The following TRAK1 variants were observed in gnomAD, a reference collection of about 807,000 sequenced individuals.
TRAK1 encodes trafficking kinesin-binding protein 1.
A neutral mutation model predicts 92.1 loss-of-function variants in TRAK1; 33 were observed. The ratio of observed to expected loss-of-function variants is 0.36; its 90% CI spans 0.27 to 0.48. TRAK1 has a LOEUF of 0.48. Ranked by LOEUF, TRAK1 falls within the 20% of genes least tolerant of loss-of-function variation. TRAK1 has a pLI of 0.99. For synonymous variants in TRAK1, 521 were observed against 517.3 expected (o/e 1.01, Z -0.10); for missense variants, 1,123 against 1,257.9 (o/e 0.89, Z 1.62).
intron 1 of TRAK1, among the ~76,000 whole-genome samples, chr3:42,104,922 C>A (rs989291560): frequency 1.3e-5 from 2 of 150,812 alleles, no homozygotes; most frequent in Non-Finnish European, 3.0e-5. Context: ...GGAGGATGTT[C>A]AAACCCATTG....
At chr3:42,140,355 C>T (rs979395756) in intron 2 of TRAK1, among the ~76,000 whole-genome samples, 7 of 152,120 alleles carry the variant, frequency 4.6e-5, no homozygotes, top group South Asian at 2.1e-4. Context: ...TCAGGCTGGG[C>T]GCAGTGGCTC....
chr3:42,137,091 ATT>A (rs35624733), intron 2 of TRAK1, among the ~76,000 whole-genome samples: 2 of 151,576 alleles, frequency 1.3e-5, no homozygotes, highest in Non-Finnish European at 2.9e-5. Flanking sequence ...TTTTTTCTAG[ATT>A]TTTTTTTTCT....
At chr3:42,160,616 T>G in intron 2 of TRAK1, 2 of 918,976 alleles carry the variant, frequency 2.2e-6, no homozygotes, top group Non-Finnish European at 3.2e-6. Flanking sequence ...TGCAAATGGC[T>G]TAAAGGTGTC....
Position 42,194,910 on chromosome 3 carries a change from G to C in TRAK1, c.1082G>C (p.Arg361Pro). The C allele has an allele frequency of 6.2e-7, 1 of 1,613,844 alleles. No homozygotes were observed. The highest frequency in any genetic ancestry group is 2.2e-5 in the East Asian group (1 of 44,850). The change falls in exon 10 of 16, where the codon CGG (arginine) becomes CCG (proline). Residue 361 changes from arginine to proline, a missense_variant. Coordinates refer to ENST00000327628, the MANE Select transcript of TRAK1 (RefSeq NM_001042646.3). ...AAAACCATGCCCAATACCACGTCTC[G>C]GCGCTACCACTCACTGGGCCTGTTT... ...RNKTMPNTTS[R>P]RYHSLGLFPM...
At chr3:42,061,396 G>T (rs1235229064) in intron 1 of TRAK1, among the ~76,000 whole-genome samples, 1 of 148,266 alleles carries the variant, frequency 6.7e-6, no homozygotes, top group Admixed American at 6.9e-5. Context: ...CAGCCCTGTT[G>T]TCTGTCAGCC....
chr3:42,095,248 T>C (rs1705730015), intron 1 of TRAK1, among the ~76,000 whole-genome samples: 2 of 152,188 alleles, frequency 1.3e-5, no homozygotes, highest in Non-Finnish European at 2.9e-5. Flanking sequence ...AGCACAGCTC[T>C]GAGGTGGGTA....
chr3:42,137,467 T>G (rs1698094977), intron 2 of TRAK1, among the ~76,000 whole-genome samples: 1 of 152,196 alleles, frequency 6.6e-6, no homozygotes, highest in Admixed American at 6.5e-5. Flanking sequence ...TATTCATTAG[T>G]GAATGTTTGG....
At chr3:42,163,457 T>C (rs1475349694) in intron 2 of TRAK1, among the ~76,000 whole-genome samples, 3 of 151,812 alleles carry the variant, frequency 2.0e-5, no homozygotes, top group Non-Finnish European at 4.4e-5. Flanking sequence ...TAGTCCCAGC[T>C]ACTCGGGAGG....
chr3:42,023,174 A>AAC (rs57879960), intron 1 of TRAK1, among the ~76,000 whole-genome samples: 1 of 146,716 alleles, frequency 6.8e-6, no homozygotes, highest in African/African-American at 2.5e-5. Context: ...AAAAAAAAAA[A>AAC]CAACAAAAAG....
At chr3:42,055,426 G>A (rs566812368) in intron 1 of TRAK1, among the ~76,000 whole-genome samples, 2 of 152,266 alleles carry the variant, frequency 1.3e-5, no homozygotes, top group East Asian at 1.9e-4. Flanking sequence ...GAATTCAATG[G>A]TTTTCAGTGT....
At chr3:42,099,635 G>A (rs901088503) in intron 1 of TRAK1, among the ~76,000 whole-genome samples, 22 of 152,316 alleles carry the variant, frequency 1.4e-4, no homozygotes, top group Admixed American at 1.3e-3. Context: ...GGGCTCTGAC[G>A]TTCTTCTCTT....
rs181311030 is a variant in TRAK1, at chr3:42,124,883, G to T, written c.92-537G>T. ...TTTCAAGGGCAGGACCATGACTCTT[G>T]TGTTCACCACTGTGTCTCCTTTGCC... On this transcript the variant is annotated intron_variant, in intron 1 of 15. Transcript: ENST00000327628. Among the ~76,000 whole-genome samples, 381 of 152,304 alleles carry T rather than the reference G, an allele frequency of 2.5e-3. 5 individuals carry two copies. The highest frequency in any genetic ancestry group is 2.9e-3 in the South Asian group (14 of 4,824).
In TRAK1 at chr3:42,188,077, G is replaced by A. The variant is rs1266533533; in HGVS notation, c.513G>A (p.Lys171=). The A allele has an allele frequency of 3.7e-6, 6 of 1,614,096 alleles. No individual in the cohort carries two copies. In the South Asian group the frequency reaches 5.5e-5, roughly 15 times the overall value. Residue 171 remains lysine (K), a synonymous_variant, in exon 5 of 16, where the codon AAG becomes AAA. Transcript: ENST00000327628. Reference sequence around the variant, plus strand: ...AGCTCCGGCATGAGCTGTCCATGAAGGATGAGCTGCTTCAGTTCTACACCA... The same window carrying A: ...AGCTCCGGCATGAGCTGTCCATGAAAGATGAGCTGCTTCAGTTCTACACCA... ...VSQLRHELSM[K]DELLQFYTSA...
At chr3:42,216,835 G>C (rs139526182) in intron 14 of TRAK1, among the ~76,000 whole-genome samples, 19 of 152,260 alleles carry the variant, frequency 1.2e-4, no homozygotes, top group African/African-American at 4.6e-4. Context: ...CAAAACACTA[G>C]GAAGCCCTCC....
chr3:42,177,803 AT>A (rs1377696727), intron 3 of TRAK1, among the ~76,000 whole-genome samples: 1 of 152,136 alleles, frequency 6.6e-6, no homozygotes, highest in East Asian at 1.9e-4. Flanking sequence ...ACCGCTGCAC[AT>A]CCAGCATTCT....
chr3:42,192,213 A>T (rs556978501), intron 7 of TRAK1, among the ~76,000 whole-genome samples: 1,649 of 152,178 alleles, frequency 0.011, 36 homozygotes, highest in African/African-American at 0.037. Context: ...GAATATTGGA[A>T]TTTTTTAATG....
intron 15 of TRAK1, 33 bp downstream of exon 15, chr3:42,219,629 T>TG: frequency 4.8e-6 from 3 of 619,882 alleles, no homozygotes; most frequent in Non-Finnish European, 8.9e-6. Flanking sequence ...TGGGCAGGGG[T>TG]GGGGTGAAGT....
chr3:42,143,437 T>TAATA (rs1444104223), intron 2 of TRAK1, among the ~76,000 whole-genome samples: 1 of 152,154 alleles, frequency 6.6e-6, no homozygotes, highest in African/African-American at 2.4e-5. Context: ...CTTTTGGTAT[T>TAATA]CTCTGTGCAA....
intron 13 of TRAK1, among the ~76,000 whole-genome samples, chr3:42,206,427 A>G (rs1231031640): frequency 6.6e-6 from 1 of 152,180 alleles, no homozygotes; most frequent in Non-Finnish European, 1.5e-5. Flanking sequence ...TCTCATGTGT[A>G]AGGCCTGTCA....
Sources: gnomAD v4.1 joint callset for allele counts (sites outside exome capture counted in the v4.1 genomes callset) on GRCh38, gnomAD v4.1.1 for gene constraint, MANE v1.5 for transcripts, NCBI Gene and HGNC (gene_info 2026-07-23, HGNC 2026-07-21) for gene names.